SDCCAG8: variants seen among roughly 807,000 people sequenced by gnomAD.
SDCCAG8 encodes serologically defined colon cancer antigen 8.
In SDCCAG8, 74 loss-of-function variants were observed where a neutral mutation model predicts 101.8. That is an observed-to-expected ratio of 0.73 (90% CI 0.60 to 0.88). The LOEUF is 0.88. Among genes scored for constraint, SDCCAG8 ranks in the 40% least tolerant of loss-of-function variants. SDCCAG8 has a pLI of 0.00. For missense variants in SDCCAG8, 787 were observed against 822.6 expected, an observed-to-expected ratio of 0.96 and a Z score of 0.53; for synonymous variants, 281 against 292.9, an observed-to-expected ratio of 0.96 and a Z score of 0.41.
intron 17 of SDCCAG8, among the ~76,000 whole-genome samples, chr1:243,497,195 TTC>T (rs1178357294): frequency 1.3e-5 from 2 of 152,174 alleles, no homozygotes; most frequent in African/African-American, 4.8e-5. Flanking sequence ...TAACTAAGGC[TTC>T]TGTCTCGGTC....
chr1:243,258,618 T>C (rs2066948329), intron 1 of SDCCAG8, among the ~76,000 whole-genome samples: 1 of 152,168 alleles, frequency 6.6e-6, no homozygotes, highest in Non-Finnish European at 1.5e-5. Context: ...TTGGTCAGGC[T>C]GCTCTAGAAC....
chr1:243,475,459 G>C (rs1662219635), intron 16 of SDCCAG8, among the ~76,000 whole-genome samples: 1 of 152,076 alleles, frequency 6.6e-6, no homozygotes. Flanking sequence ...CTTCCCTCCG[G>C]CGCCTCTTAC....
In SDCCAG8 at chr1:243,337,000, A is replaced by C. The variant is rs960128758; in HGVS notation, c.1222-4039A>C. ...TTGCTGTGCAGAAGCTCTTTGGTGT[A>C]ATTAGGTCCCACTTGTCAATTGGTG... On this transcript the variant is annotated intron_variant, in intron 10 of 17. Transcript: ENST00000366541. Among the ~76,000 whole-genome samples, 5 of 152,142 alleles carry C rather than the reference A, an allele frequency of 3.3e-5. 1 individual carries two copies. In the South Asian group the frequency reaches 1.0e-3, roughly 32 times the overall value.
Position 243,378,847 on chromosome 1 carries a change from C to T in SDCCAG8, c.1600C>T (p.Gln534Ter), listed in dbSNP as rs1357294768. 6.2e-7 allele frequency: 1 copy of T among 1,614,014 alleles called. No homozygotes were observed. Among genetic ancestry groups the T allele is most frequent in the Non-Finnish European group, 8.5e-7 (1 of 1,179,958 alleles). Reference protein sequence around the residue: ...LTELLGESEHQLHLTRQEKDS... With the variant: ...LTELLGESEH ...AGAACTGCTGGGCGAATCTGAGCACCAACTGCACCTCACCAGGTACTCCCT... is the reference window on the plus strand; with the variant it reads ...AGAACTGCTGGGCGAATCTGAGCACTAACTGCACCTCACCAGGTACTCCCT... The change falls in exon 13 of 18, where the codon CAA (glutamine) becomes TAA (stop). Residue 534 changes from glutamine (Q) to a stop codon, truncating the protein, a stop_gained. Transcript: ENST00000366541. LOFTEE classifies it high-confidence loss of function.
At chr1:243,435,886 T>A (rs1029946920) in intron 16 of SDCCAG8, among the ~76,000 whole-genome samples, 1 of 151,970 alleles carries the variant, frequency 6.6e-6, no homozygotes, top group African/African-American at 2.4e-5. Context: ...TCTAAAAAAT[T>A]TTTTTATGCA....
intron 16 of SDCCAG8, among the ~76,000 whole-genome samples, chr1:243,470,969 A>AGTT (rs772312418): frequency 6.6e-6 from 1 of 152,066 alleles, no homozygotes; most frequent in Non-Finnish European, 1.5e-5. Context: ...TCTCTTTCAT[A>AGTT]GTTGTTGTTG....
Position 243,458,582 on chromosome 1 carries a change from AG to A in SDCCAG8, c.1986-30430del, listed in dbSNP as rs1438539785. 6.6e-6 allele frequency among the ~76,000 whole-genome samples: 1 copy of A among 152,184 alleles called. No individual in the cohort carries two copies. Among genetic ancestry groups the A allele is most frequent in the Non-Finnish European group, 1.5e-5 (1 of 68,034 alleles). ...TAGCAATATCCCCATTTTAACAATG[AG>A]GAAACTGAGGCACAGTGAGGTTGAG... On this transcript the variant is annotated intron_variant, in intron 16 of 17. Coordinates refer to ENST00000366541, the MANE Select transcript of SDCCAG8 (RefSeq NM_006642.5). The surrounding 1 kb of genome is among the most constrained non-coding windows in gnomAD (Gnocchi z 4.5).
At chr1:243,427,337 T>G (rs776849274) in intron 16 of SDCCAG8, among the ~76,000 whole-genome samples, 21 of 152,222 alleles carry the variant, frequency 1.4e-4, no homozygotes, top group Admixed American at 2.6e-4. Context: ...TGGGGATTTT[T>G]TTTTTGGCAA....
intron 16 of SDCCAG8, among the ~76,000 whole-genome samples, chr1:243,437,547 T>C (rs1379973061): frequency 3.3e-5 from 5 of 151,478 alleles, no homozygotes; most frequent in African/African-American, 1.2e-4. Context: ...TTTTTTTTTT[T>C]TTGTATTGAA....
chr1:243,368,347 G>T (rs10927002), intron 12 of SDCCAG8, among the ~76,000 whole-genome samples: 62,636 of 151,926 alleles, frequency 0.41, 15,637 homozygotes, highest in East Asian at 0.81. Context: ...TGTATACCAA[G>T]CAAAGGAATA....
chr1:243,478,525 G>A (rs551128707), intron 16 of SDCCAG8, among the ~76,000 whole-genome samples: 1 of 152,294 alleles, frequency 6.6e-6, no homozygotes, highest in South Asian at 2.1e-4. Context: ...GAGAGAATGA[G>A]CCAGGAAAGG....
intron 12 of SDCCAG8, among the ~76,000 whole-genome samples, chr1:243,354,903 T>G (rs535161106): frequency 6.6e-6 from 1 of 152,326 alleles, no homozygotes; most frequent in Non-Finnish European, 1.5e-5. Flanking sequence ...GGCATGTTTT[T>G]CTGACCCTCA....
intron 16 of SDCCAG8, among the ~76,000 whole-genome samples, chr1:243,441,439 G>C (rs948733233): frequency 6.6e-6 from 1 of 151,766 alleles, no homozygotes; most frequent in Non-Finnish European, 1.5e-5. Flanking sequence ...CTCTTTTCAC[G>C]GTCCTGTTGC....
intron 16 of SDCCAG8, among the ~76,000 whole-genome samples, chr1:243,471,235 A>G (rs1003198813): frequency 6.6e-6 from 1 of 152,180 alleles, no homozygotes; most frequent in African/African-American, 2.4e-5. Context: ...AGCTCTCTCT[A>G]AATGGCTTCA....
chr1:243,321,374 T>A (rs1052992045), intron 9 of SDCCAG8, among the ~76,000 whole-genome samples: 1 of 150,568 alleles, frequency 6.6e-6, no homozygotes, highest in Non-Finnish European at 1.5e-5. Flanking sequence ...TTCCAGCCCA[T>A]GCCCCCCTCT....
chr1:243,299,579 A>C (rs1056203243), intron 6 of SDCCAG8, among the ~76,000 whole-genome samples: 1 of 151,870 alleles, frequency 6.6e-6, no homozygotes, highest in Non-Finnish European at 1.5e-5. Flanking sequence ...ACACTCGACT[A>C]ATTTTTGTAT....
intron 17 of SDCCAG8, among the ~76,000 whole-genome samples, chr1:243,491,996 C>T (rs1460466541): frequency 6.6e-6 from 1 of 152,196 alleles, no homozygotes; most frequent in Non-Finnish European, 1.5e-5. Context: ...AAGTCCACCC[C>T]TTTCCTTCCC....
At chr1:243,338,207 G>A (rs2075142827) in intron 10 of SDCCAG8, among the ~76,000 whole-genome samples, 1 of 152,102 alleles carries the variant, frequency 6.6e-6, no homozygotes, top group Non-Finnish European at 1.5e-5. Context: ...GAGCCACAGT[G>A]CCCGGCCTTT....
At position 243,293,341 on chromosome 1, in the gene SDCCAG8, A is replaced by C. The variant is rs116425850; in HGVS notation, c.675+122A>C. 953 of 993,674 alleles carry C rather than the reference A, an allele frequency of 9.6e-4. 8 individuals carry two copies. In the African/African-American group the frequency reaches 0.013, roughly 13 times the overall value. 61.6% of individuals were successfully genotyped at this position (993,674 alleles called of 1,614,324 possible). On this transcript the variant is annotated intron_variant, in intron 6 of 17. Coordinates refer to ENST00000366541, the MANE Select transcript of SDCCAG8 (RefSeq NM_006642.5). ...CCATTATAACCATTTTTAAGCGTAC[A>C]GTTTATCTGCATTAAGTACATTCAT...
Sources: gnomAD v4.1 joint callset for allele counts (sites outside exome capture counted in the v4.1 genomes callset) on GRCh38, gnomAD v4.1.1 for gene constraint, Gnocchi (gnomAD v3.1) non-coding constraint, MANE v1.5 for transcripts, NCBI Gene and HGNC (gene_info 2026-07-23, HGNC 2026-07-21) for gene names.